The following EXOC2 variants were observed in gnomAD, a reference collection of about 807,000 sequenced individuals.
The protein encoded by EXOC2 is exocyst complex component 2.
In EXOC2, 70 loss-of-function variants were observed where a neutral mutation model predicts 131.8. The observed-to-expected ratio is 0.53, with a 90% CI of 0.44 to 0.65. EXOC2 has a LOEUF of 0.65. EXOC2 is among the 30% of genes least tolerant of loss of function. The pLI, the probability that EXOC2 is intolerant of heterozygous loss-of-function variation, is 0.00. For missense variants in EXOC2, 923 were observed against 1,108.6 expected, an observed-to-expected ratio of 0.83 and a Z score of 2.38; for synonymous variants, 411 against 398.4, an observed-to-expected ratio of 1.03 and a Z score of -0.38.
chr6:622,565 A>C (rs1338189035), intron 4 of EXOC2, among the ~76,000 whole-genome samples: 1 of 152,210 alleles, frequency 6.6e-6, no homozygotes, highest in Admixed American at 6.5e-5. Flanking sequence ...TAACGCAAGA[A>C]AGTATAAAAT....
intron 16 of EXOC2, among the ~76,000 whole-genome samples, chr6:563,214 T>C (rs1254454768): frequency 6.6e-6 from 1 of 152,244 alleles, no homozygotes; most frequent in Non-Finnish European, 1.5e-5. Flanking sequence ...TGATGAGTAA[T>C]TTGGCTGTTT....
At chr6:655,451 T>C (rs1399044647) in intron 1 of EXOC2, among the ~76,000 whole-genome samples, 4 of 152,266 alleles carry the variant, frequency 2.6e-5, no homozygotes, top group Admixed American at 6.5e-5. Context: ...TATTTGCTTT[T>C]TGCAGTGGTC....
At chr6:602,830 C>T (rs1760176650) in intron 7 of EXOC2, among the ~76,000 whole-genome samples, 1 of 152,104 alleles carries the variant, frequency 6.6e-6, no homozygotes. Flanking sequence ...AGTAAAATTT[C>T]CCTACAGTGC....
chr6:623,543 C>T (rs1761401253), intron 4 of EXOC2, among the ~76,000 whole-genome samples: 1 of 152,160 alleles, frequency 6.6e-6, no homozygotes. Context: ...AAATAATCTT[C>T]CCCAAATCAC....
chr6:491,005 A>T, intron 26 of EXOC2, 120 bp downstream of exon 26: 1 of 1,044,090 alleles, frequency 9.6e-7, no homozygotes, highest in Non-Finnish European at 1.5e-6. Flanking sequence ...CATAAACTTT[A>T]TCACATCACA....
At position 629,958 on chromosome 6, in the gene EXOC2, A is replaced by G. The variant is rs1458484225; in HGVS notation, c.299T>C (p.Ile100Thr). ...FKLLKPEKIGILDQSAVWVDE... is the reference protein window; with the variant it reads ...FKLLKPEKIGTLDQSAVWVDE... ...AACCCACACAGCAGACTGATCCAAA[A>G]TGCCTACAGAAATGAGGAGCATATG... Residue 100 changes from isoleucine to threonine, a missense_variant, in exon 4 of 28, where the codon ATT (isoleucine) becomes ACT (threonine). By Grantham distance (89) the Ile-to-Thr change is moderately conservative. Coordinates refer to ENST00000230449, the MANE Select transcript of EXOC2 (RefSeq NM_018303.6). 4 of 1,613,702 alleles carry G rather than the reference A, an allele frequency of 2.5e-6. No homozygotes were observed. The African/African-American group carries it at 5.3e-5, about 22-fold the overall frequency.
At chr6:574,232 A>C (rs1210370255) in intron 12 of EXOC2, among the ~76,000 whole-genome samples, 1 of 152,266 alleles carries the variant, frequency 6.6e-6, no homozygotes, top group Non-Finnish European at 1.5e-5. Flanking sequence ...AAAGCATAGA[A>C]AACGTCCAGA....
intron 1 of EXOC2, among the ~76,000 whole-genome samples, chr6:691,729 T>C (rs1411020193): frequency 1.3e-5 from 2 of 152,220 alleles, no homozygotes; most frequent in Non-Finnish European, 2.9e-5. Flanking sequence ...AAGGGTCAAC[T>C]GTAGTTCAAA....
chr6:502,328 A>G (rs1764265016), intron 23 of EXOC2, among the ~76,000 whole-genome samples: 1 of 152,214 alleles, frequency 6.6e-6, no homozygotes, highest in Non-Finnish European at 1.5e-5. Context: ...TGCAAGGATG[A>G]CTGGAAATGC....
At chr6:501,981 C>T (rs1182657917) in intron 23 of EXOC2, among the ~76,000 whole-genome samples, 1 of 152,010 alleles carries the variant, frequency 6.6e-6, no homozygotes, top group African/African-American at 2.4e-5. Flanking sequence ...GGAGGAAAGC[C>T]ACACCCCCCG....
intron 2 of EXOC2, among the ~76,000 whole-genome samples, chr6:636,867 C>T (rs7743096): frequency 0.015 from 2,309 of 152,254 alleles, 48 homozygotes; most frequent in African/African-American, 0.052. Flanking sequence ...GTCCCTAATA[C>T]CCGTGTATAT....
intron 23 of EXOC2, among the ~76,000 whole-genome samples, chr6:517,059 G>A (rs1006120380): frequency 7.9e-5 from 12 of 152,186 alleles, no homozygotes; most frequent in East Asian, 5.8e-4. Flanking sequence ...GCCACAGCCC[G>A]CCCAGCTGTA....
At chr6:540,070 A>C (rs1766716307) in intron 22 of EXOC2, among the ~76,000 whole-genome samples, 1 of 152,208 alleles carries the variant, frequency 6.6e-6, no homozygotes, top group Admixed American at 6.5e-5. Context: ...TGTCTCCAGG[A>C]CTTGTTAGCG....
In EXOC2 at chr6:486,514, G is replaced by A. The variant is rs114474739; in HGVS notation, c.*157C>T. 795 of 607,166 alleles carry A rather than the reference G, an allele frequency of 1.3e-3. 4 individuals carry two copies. The African/African-American group carries it at 0.014, about 10-fold the overall frequency. The allele number at this position is 607,166 out of a possible 1,614,324, so 37.6% of individuals were successfully genotyped here. A position where few individuals can be genotyped will look rare whatever the true frequency, so the allele number is the denominator to read the frequency against. ...TGGGCATTTCAAATGAGGTCATTTTGGTTGAAATGTATACCAACAATTTTC... is the reference window on the plus strand; with the variant it reads ...TGGGCATTTCAAATGAGGTCATTTTAGTTGAAATGTATACCAACAATTTTC... On this transcript the variant is annotated 3_prime_UTR_variant, in exon 28 of 28. Coordinates refer to ENST00000230449, the MANE Select transcript of EXOC2 (RefSeq NM_018303.6).
Position 499,665 on chromosome 6 carries a change from T to C in EXOC2, c.2416A>G (p.Ile806Val). 6.2e-7 allele frequency: 1 copy of C among 1,613,964 alleles called. No homozygotes were observed. Among genetic ancestry groups the C allele is most frequent in the African/African-American group, 1.3e-5 (1 of 75,024 alleles). Reference protein sequence around the residue: ...RNYLKEALVNIIAVHAEVFTI... With the variant: ...RNYLKEALVNVIAVHAEVFTI... ...TTTACCTCTGCATGCACGGCAATTA[T>C]ATTCACCAGTGCTTCTTTTAAATAG... The change falls in exon 24 of 28, where the codon ATA (isoleucine) becomes GTA (valine). Residue 806 changes from isoleucine to valine, a missense_variant. By Grantham distance (29) the Ile-to-Val change is conservative (BLOSUM62 3). Transcript: ENST00000230449.
chr6:595,974 C>CA (rs1249453236), intron 10 of EXOC2, among the ~76,000 whole-genome samples: 1 of 152,096 alleles, frequency 6.6e-6, no homozygotes, highest in Non-Finnish European at 1.5e-5. Context: ...TAGAGAGAAA[C>CA]AAGAGTGGGC....
chr6:649,931 T>C (rs1418464474), intron 1 of EXOC2, among the ~76,000 whole-genome samples: 3 of 152,210 alleles, frequency 2.0e-5, no homozygotes, highest in African/African-American at 7.2e-5. Flanking sequence ...CAATGGAAGA[T>C]GCTTAAATAA....
chr6:570,734 A>ATAG (rs1561870512), intron 13 of EXOC2, among the ~76,000 whole-genome samples: 1 of 152,360 alleles, frequency 6.6e-6, no homozygotes, highest in East Asian at 1.9e-4. Context: ...AATTTGCCTA[A>ATAG]GGTCACGGCT....
At chr6:620,071 A>C (rs1354190126) in intron 4 of EXOC2, among the ~76,000 whole-genome samples, 1 of 152,270 alleles carries the variant, frequency 6.6e-6, no homozygotes, top group Non-Finnish European at 1.5e-5. Context: ...GTCTAGAATG[A>C]CTTTAAGAAA....
Sources: allele counts gnomAD v4.1 joint callset (sites outside exome capture counted in the v4.1 genomes callset), GRCh38; gene constraint gnomAD v4.1.1; transcripts MANE v1.5; gene names NCBI Gene and HGNC (gene_info 2026-07-23, HGNC 2026-07-21).